The following ATG12 variants were observed in gnomAD, a reference collection of about 807,000 sequenced individuals.
The protein encoded by ATG12 is autophagy related 12.
Under a neutral mutation model 17.6 loss-of-function variants are expected in ATG12, and 19 were observed. The observed-to-expected ratio is 1.08, with a 90% CI of 0.75 to 1.58. The LOEUF (loss-of-function observed/expected upper bound fraction) is 1.58. Ranked by LOEUF, ATG12 falls within the 40% of genes most tolerant of loss-of-function variation. The pLI, the probability that ATG12 is intolerant of heterozygous loss-of-function variation, is 0.00. For missense variants in ATG12, 214 were observed against 162.0 expected, an observed-to-expected ratio of 1.32 and a Z score of -1.74; for synonymous variants, 75 against 62.4, an observed-to-expected ratio of 1.20 and a Z score of -0.95.
At chr5:115,839,790 A>G (rs558197205) in intron 1 of ATG12, among the ~76,000 whole-genome samples, 2 of 152,340 alleles carry the variant, frequency 1.3e-5, no homozygotes, top group East Asian at 3.9e-4. Context: ...CTTTCATCAT[A>G]TTATCCTCAA....
At chr5:115,832,451 C>T in intron 3 of ATG12, 151 bp downstream of exon 3, 1 of 927,066 alleles carries the variant, frequency 1.1e-6, no homozygotes, top group Non-Finnish European at 1.4e-6. Context: ...TTTTCTACCC[C>T]AGAAAATTAA....
Position 115,841,500 on chromosome 5 carries a change from C to G in ATG12, c.53G>C (p.Gly18Ala), listed in dbSNP as rs546597326. 8 of 1,612,392 alleles carry G rather than the reference C, an allele frequency of 5.0e-6. No homozygotes were observed. In the East Asian group the frequency reaches 1.3e-4, roughly 27 times the overall value. The change falls in exon 1 of 4, where the codon GGA becomes GCA. Residue 18 changes from glycine to alanine, a missense_variant. Gly to Ala is a moderately conservative substitution (Grantham distance 60, BLOSUM62 0). Transcript: ENST00000509910. Reference protein sequence around the residue: ...VLQLPTSIAAGGEGLTDVSPE... With the variant: ...VLQLPTSIAAAGEGLTDVSPE... ...GGAGACATCCGTAAGTCCTTCCCCTCCAGCAGCAATTGAAGTAGGAAGCTG... is the reference window on the plus strand; with the variant it reads ...GGAGACATCCGTAAGTCCTTCCCCTGCAGCAGCAATTGAAGTAGGAAGCTG...
chr5:115,841,074 A>ACCCACCCC, intron 1 of ATG12: 1 of 358,796 alleles, frequency 2.8e-6, no homozygotes. Flanking sequence ...AATTACCGAG[A>ACCCACCCC]CCCCCCTCCC....
intron 2 of ATG12, chr5:115,833,313 G>A (rs1388560671): frequency 2.0e-5 from 3 of 151,904 alleles, no homozygotes; most frequent in African/African-American, 7.3e-5. Flanking sequence ...TTATTTGCAG[G>A]TAACATATTT....
At chr5:115,840,656 C>T (rs964521044) in intron 1 of ATG12, 9 of 1,235,942 alleles carry the variant, frequency 7.3e-6, no homozygotes, top group Non-Finnish European at 9.3e-6. Context: ...AAATCAGCCT[C>T]TCTGAATCGA....
rs925684870 is a variant in ATG12, at chr5:115,831,566, T to G, written c.*238A>C. Reference sequence around the variant, plus strand: ...GATCTGCAGCAATAATAGTAACAAGTAGGAGCAATGGGTGTACTATCATGA... The same window carrying G: ...GATCTGCAGCAATAATAGTAACAAGGAGGAGCAATGGGTGTACTATCATGA... On this transcript the variant is annotated 3_prime_UTR_variant, in exon 4 of 4. Coordinates refer to ENST00000509910, the MANE Select transcript of ATG12 (RefSeq NM_004707.4). 1.8e-6 allele frequency: 1 copy of G among 563,216 alleles called. No homozygotes were observed. Among genetic ancestry groups the G allele is most frequent in the Non-Finnish European group, 3.1e-6 (1 of 319,460 alleles). The allele number at this position is 563,216 out of a possible 1,614,324, so 34.9% of individuals were successfully genotyped here.
chr5:115,832,599 T>TTAAAAAAAA lies in ATG12; in HGVS notation c.363+2_363+3insTTTTTTTTA. 1 of 952,612 alleles carries TTAAAAAAAA rather than the reference T, an allele frequency of 1.0e-6. No homozygotes were observed. Among genetic ancestry groups the TTAAAAAAAA allele is most frequent in the Non-Finnish European group, 1.5e-6 (1 of 670,412 alleles). The allele number at this position is 952,612 out of a possible 1,614,324, so 59.0% of individuals were successfully genotyped here. On this transcript the variant is annotated splice_region_variant and intron_variant, in intron 3 of 3. Transcript: ENST00000509910. The stretch of plus-strand genomic sequence containing the variant: ...TTTTTTTTTTTTTTTTTTTTTTTTT[T>TTAAAAAAAA]ACCTCATAGAGAGTTCCAACTTCTT...
At chr5:115,837,892 T>C (rs1025789352) in intron 1 of ATG12, 128 bp from the exon 2 acceptor site, 31 of 737,912 alleles carry the variant, frequency 4.2e-5, no homozygotes, top group Non-Finnish European at 5.2e-5. Context: ...ACTGAAGATA[T>C]GTGAGAGATG....
At chr5:115,841,075 C>G (rs1761420886) in intron 1 of ATG12, 1 of 369,632 alleles carries the variant, frequency 2.7e-6, no homozygotes, top group East Asian at 8.0e-5. Flanking sequence ...ATTACCGAGA[C>G]CCCCCTCCCC....
rs765666385 is a variant in ATG12, at chr5:115,841,495, C to A, written c.58G>T (p.Glu20Ter). 3.7e-6 allele frequency: 6 copies of A among 1,612,010 alleles called. No homozygotes were observed. Among genetic ancestry groups the A allele is most frequent in the Non-Finnish European group, 5.1e-6 (6 of 1,179,424 alleles). The change falls in exon 1 of 4, where the codon GAA becomes TAA. Residue 20 changes from glutamate (E) to a stop codon, truncating the protein, a stop_gained. Transcript: ENST00000509910. LOFTEE classifies it high-confidence loss of function. ...QLPTSIAAGG[E>*]GLTDVSPETT... is the part of the protein sequence containing the mutation. ...TCTGGGGAGACATCCGTAAGTCCTT[C>A]CCCTCCAGCAGCAATTGAAGTAGGA... is the stretch of plus-strand genomic sequence containing the variant.
rs1184075020 is a variant in ATG12 at position 115,828,318 on chromosome 5, T to C, written c.*3486A>G. 1.3e-5 allele frequency: 2 copies of C among 152,208 alleles called. No individual in the cohort carries two copies. Among genetic ancestry groups the C allele is most frequent in the Admixed American group, 6.5e-5 (1 of 15,282 alleles). The allele number at this position is 152,208 out of a possible 1,614,324, so 9.4% of individuals were successfully genotyped here. ...GTTTATACTTACGTTTCAAGGTTTTTGATATTGCCAAATGGCCCCCTAAAA... is the reference window on the plus strand; with the variant it reads ...GTTTATACTTACGTTTCAAGGTTTTCGATATTGCCAAATGGCCCCCTAAAA... On this transcript the variant is annotated 3_prime_UTR_variant, in exon 4 of 4. Transcript: ENST00000509910.
rs1171994389 is a variant in ATG12 at position 115,831,757 on chromosome 5, C to G, written c.*47G>C. Reference sequence around the variant, plus strand: ...TCAAAACTTTTCAGAGCTGTCTCTTCCGTGAAAATCCATTTCATGTAGTAG... The same window carrying G: ...TCAAAACTTTTCAGAGCTGTCTCTTGCGTGAAAATCCATTTCATGTAGTAG... On this transcript the variant is annotated 3_prime_UTR_variant, in exon 4 of 4. Coordinates refer to ENST00000509910, the MANE Select transcript of ATG12 (RefSeq NM_004707.4). The G allele has an allele frequency of 2.5e-6, 4 of 1,580,838 alleles. No homozygotes were observed. The highest frequency in any genetic ancestry group is 1.7e-5 in the Admixed American group (1 of 58,976).
At chr5:115,835,029 TTAACA>T (rs774437585) in intron 2 of ATG12, 1 of 152,218 alleles carries the variant, frequency 6.6e-6, no homozygotes. Flanking sequence ...TCTATTTTTC[TTAACA>T]TATTATCCGT....
chr5:115,839,162 C>T (rs1030647013), intron 1 of ATG12: 3 of 150,020 alleles, frequency 2.0e-5, no homozygotes, highest in Non-Finnish European at 3.0e-5. Context: ...AAAAGCAAGA[C>T]ACATTGAAAG....
chr5:115,840,954 A>C, intron 1 of ATG12: 1 of 1,175,124 alleles, frequency 8.5e-7, no homozygotes, highest in Non-Finnish European at 1.1e-6. Context: ...GGAAAAAAGC[A>C]AAAGCGAGTT....
At chr5:115,832,811 T>G (rs1322225003) in intron 2 of ATG12, 147 bp from the exon 3 acceptor site, 2 of 693,034 alleles carry the variant, frequency 2.9e-6, no homozygotes, top group Non-Finnish European at 4.5e-6. Context: ...AATAGTCAAT[T>G]TAAAGAGATC....
At chr5:115,841,202 G>A (rs997347665) in intron 1 of ATG12, 188 bp downstream of exon 1, 2 of 709,028 alleles carry the variant, frequency 2.8e-6, no homozygotes, top group South Asian at 1.6e-5. Context: ...GATAGACAGA[G>A]ATGGTATTTT....
intron 1 of ATG12, chr5:115,840,860 C>T: frequency 1.6e-6 from 2 of 1,277,874 alleles, no homozygotes; most frequent in Admixed American, 2.5e-5. Context: ...ACATCTATGC[C>T]TTTAGCTTTC....
At chr5:115,832,573 T>TTC in intron 3 of ATG12, 29 bp downstream of exon 3, 1 of 143,280 alleles carries the variant, frequency 7.0e-6, no homozygotes, top group Non-Finnish European at 9.9e-6. Flanking sequence ...ATTTCTTTCT[T>TTC]TTTTTTTTTT....
Sources: allele counts gnomAD v4.1 joint callset (sites outside exome capture counted in the v4.1 genomes callset), GRCh38; gene constraint gnomAD v4.1.1; transcripts MANE v1.5; gene names NCBI Gene and HGNC (gene_info 2026-07-23, HGNC 2026-07-21).